Variants in BPIFC observed in about 807,000 individuals in gnomAD.
The protein encoded by BPIFC is BPI fold containing family C, also known as BPI fold-containing family C protein.
Under a neutral mutation model 57.6 loss-of-function variants are expected in BPIFC, and 60 were observed. The ratio of observed to expected loss-of-function variants is 1.04; its 90% confidence interval spans 0.85 to 1.29. The LOEUF is 1.29. BPIFC is among the 50% of genes most tolerant of loss of function. BPIFC has a pLI of 0.00. For missense variants in BPIFC, 581 were observed against 600.5 expected (o/e 0.97, Z 0.34); for synonymous variants, 243 against 224.5 (o/e 1.08, Z -0.74).
intron 13 of BPIFC, among the ~76,000 whole-genome samples, chr22:32,422,355 A>G (rs1933872431): frequency 6.6e-6 from 1 of 152,144 alleles, no homozygotes; most frequent in Non-Finnish European, 1.5e-5. Context: ...AAAGCAAGGT[A>G]TACTCAGGTG....
intron 3 of BPIFC, 132 bp downstream of exon 3, chr22:32,457,131 A>G: frequency 9.5e-7 from 1 of 1,057,008 alleles, no homozygotes; most frequent in Non-Finnish European, 1.3e-6. Flanking sequence ...CAGTTTCTGC[A>G]TAAGGTACTG....
rs61507713 is a variant in BPIFC, at chr22:32,445,713, GAAAAAAAAAAA to G, written c.531-26_531-16del. 4,718 of 711,352 alleles carry G rather than the reference GAAAAAAAAAAA, an allele frequency of 6.6e-3. 140 individuals carry two copies. The African/African-American group carries it at 0.12, about 17-fold the overall frequency. The allele number at this position is 711,352 out of a possible 1,614,324, so 44.1% of individuals were successfully genotyped here. A position where few individuals can be genotyped will look rare whatever the true frequency, so the allele number is the denominator to read the frequency against. Reference sequence around the variant, plus strand: ...TATACAGAACACTGAGGAAAAAAATGAAAAAAAAAAAAAAAAAAAAAAGAGGTTACTCAGAG... The same window carrying G: ...TATACAGAACACTGAGGAAAAAAATGAAAAAAAAAAAGAGGTTACTCAGAG... On this transcript the variant is annotated splice_polypyrimidine_tract_variant and intron_variant, in intron 6 of 16. Coordinates refer to ENST00000300399, the MANE Select transcript of BPIFC (RefSeq NM_174932.3).
chr22:32,427,828 A>G (rs1399570615), intron 13 of BPIFC, among the ~76,000 whole-genome samples: 1 of 152,140 alleles, frequency 6.6e-6, no homozygotes, highest in Non-Finnish European at 1.5e-5. Context: ...CTCTACTAAA[A>G]CTACAAAAAT....
At chr22:32,461,234 A>C (rs976901692) in intron 2 of BPIFC, among the ~76,000 whole-genome samples, 1 of 152,214 alleles carries the variant, frequency 6.6e-6, no homozygotes, top group Non-Finnish European at 1.5e-5. Flanking sequence ...ATATGGCCTT[A>C]TGAATCCAGC....
At chr22:32,453,954 T>A (rs557595583) in intron 3 of BPIFC, among the ~76,000 whole-genome samples, 1 of 150,818 alleles carries the variant, frequency 6.6e-6, no homozygotes, top group African/African-American at 2.4e-5. Flanking sequence ...AAAAAAAAAA[T>A]TAAAAAATTA....
intron 14 of BPIFC, among the ~76,000 whole-genome samples, chr22:32,419,076 TCCCTGAGA>T (rs1269133058): frequency 6.6e-6 from 1 of 152,160 alleles, no homozygotes; most frequent in Non-Finnish European, 1.5e-5. Flanking sequence ...AAACAGGCAT[TCCCTGAGA>T]ATGCCTGTTT....
chr22:32,434,817 CA>C (rs1189350512), intron 10 of BPIFC, among the ~76,000 whole-genome samples: 3 of 152,072 alleles, frequency 2.0e-5, no homozygotes, highest in Admixed American at 6.6e-5. Context: ...TGAGGAGATT[CA>C]AAAAGAGATG....
At chr22:32,428,772 G>A (rs911873568) in intron 13 of BPIFC, among the ~76,000 whole-genome samples, 5 of 151,934 alleles carry the variant, frequency 3.3e-5, no homozygotes, top group East Asian at 1.9e-4. Context: ...GGTGGCAGGC[G>A]CCTGTAATCC....
intron 2 of BPIFC, among the ~76,000 whole-genome samples, chr22:32,460,677 C>T (rs1048118097): frequency 4.6e-5 from 7 of 152,220 alleles, no homozygotes; most frequent in African/African-American, 1.7e-4. Context: ...TCCCTAAGGC[C>T]CATTTAAAGC....
At chr22:32,447,408 G>C in intron 4 of BPIFC, 68 bp from the exon 5 acceptor site, 1 of 1,550,900 alleles carries the variant, frequency 6.4e-7, no homozygotes, top group Non-Finnish European at 8.7e-7. Flanking sequence ...GCAAACTTGG[G>C]AACACAGTTG....
chr22:32,455,771 C>T (rs1935021748), intron 3 of BPIFC, among the ~76,000 whole-genome samples: 1 of 152,184 alleles, frequency 6.6e-6, no homozygotes, highest in Non-Finnish European at 1.5e-5. Context: ...TATAAAATGA[C>T]AACAGCTTAT....
intron 16 of BPIFC, 50 bp downstream of exon 16, chr22:32,415,865 C>A: frequency 7.6e-7 from 1 of 1,318,226 alleles, no homozygotes; most frequent in Non-Finnish European, 1.0e-6. Flanking sequence ...GAGGCTTAGT[C>A]TACTATAAAA....
intron 3 of BPIFC, among the ~76,000 whole-genome samples, chr22:32,455,592 A>C (rs564160796): frequency 5.5e-4 from 84 of 152,278 alleles, no homozygotes; most frequent in African/African-American, 1.9e-3. Flanking sequence ...AGGGAGGTTC[A>C]GTAACTTGCC....
chr22:32,442,646 T>C (rs1182815092), intron 8 of BPIFC, 25 bp downstream of exon 8: 4 of 1,607,732 alleles, frequency 2.5e-6, no homozygotes, highest in African/African-American at 2.7e-5. Context: ...GACAACCATC[T>C]GGAAAAGACA....
intron 2 of BPIFC, among the ~76,000 whole-genome samples, chr22:32,460,782 G>A (rs1488403046): frequency 6.6e-6 from 1 of 152,136 alleles, no homozygotes; most frequent in Non-Finnish European, 1.5e-5. Context: ...ATGCGTGTAT[G>A]TTTCTTTTCT....
intron 13 of BPIFC, among the ~76,000 whole-genome samples, chr22:32,430,017 C>T (rs1435358858): frequency 1.3e-5 from 2 of 152,186 alleles, no homozygotes; most frequent in African/African-American, 4.8e-5. Flanking sequence ...ACTTCAACTA[C>T]CAGCTTTATA....
intron 8 of BPIFC, among the ~76,000 whole-genome samples, chr22:32,441,042 C>T (rs1412015722): frequency 6.6e-6 from 1 of 152,130 alleles, no homozygotes; most frequent in African/African-American, 2.4e-5. Context: ...CCCTGAAGAT[C>T]AAACCATCCC....
chr22:32,416,015 A>C (rs779740946), intron 15 of BPIFC, 24 bp from the exon 16 acceptor site: 99 of 1,495,812 alleles, frequency 6.6e-5, no homozygotes, highest in Non-Finnish European at 7.9e-5. Context: ...CAAGACGTAA[A>C]ACAATTGGGC....
intron 2 of BPIFC, among the ~76,000 whole-genome samples, chr22:32,461,305 T>TG (rs1935155581): frequency 6.6e-6 from 1 of 152,136 alleles, no homozygotes; most frequent in Non-Finnish European, 1.5e-5. Flanking sequence ...AGAGGGAAAC[T>TG]GGGGAGCAGT....
Sources: allele counts gnomAD v4.1 joint callset (sites outside exome capture counted in the v4.1 genomes callset), GRCh38; gene constraint gnomAD v4.1.1; transcripts MANE v1.5; gene names NCBI Gene and HGNC (gene_info 2026-07-23, HGNC 2026-07-21).